Variants in PCDH9 observed in about 807,000 individuals in gnomAD.
PCDH9 encodes the protein protocadherin-9.
Under a neutral mutation model 70.6 loss-of-function variants are expected in PCDH9, and 24 were observed. That is an observed-to-expected ratio of 0.34 (90% CI 0.25 to 0.48). PCDH9 has a LOEUF of 0.48. Among genes scored for constraint, PCDH9 ranks in the 20% least tolerant of loss-of-function variants. The probability of loss-of-function intolerance (pLI) is 0.99; values close to 1 mark genes in which losing one functional copy is unlikely to be tolerated. For synonymous variants in PCDH9, 562 were observed against 558.5 expected (o/e 1.01, Z -0.09); for missense variants, 1,281 against 1,503.6 (o/e 0.85, Z 2.45).
intron 2 of PCDH9, among the ~76,000 whole-genome samples, chr13:67,024,670 T>C (rs1490675686): frequency 6.6e-6 from 1 of 152,080 alleles, no homozygotes; most frequent in Non-Finnish European, 1.5e-5. Context: ...CCTTACACCA[T>C]AAAACCTGGC....
At chr13:66,991,671 T>G (rs1393493429) in intron 2 of PCDH9, among the ~76,000 whole-genome samples, 1 of 152,064 alleles carries the variant, frequency 6.6e-6, no homozygotes, top group Admixed American at 6.6e-5. Flanking sequence ...TGAATGAACA[T>G]TTAGAATGAA....
In PCDH9 at chr13:66,696,761, C is replaced by A. The variant is rs112854363; in HGVS notation, c.3139-65350G>T. ...GGCATTTCCAACACTGAAAGAGAAA[C>A]CTTGCTGGTTGTTCAGGCAAACTTT... On this transcript the variant is annotated intron_variant, in intron 3 of 4. Transcript: ENST00000377865. Among the ~76,000 whole-genome samples, 478 of 150,092 alleles carry A rather than the reference C, an allele frequency of 3.2e-3. 4 individuals carry two copies. Among genetic ancestry groups the A allele is most frequent in the African/African-American group, 0.011 (460 of 40,932 alleles).
chr13:66,661,020 C>T (rs1199039574), intron 3 of PCDH9, among the ~76,000 whole-genome samples: 2 of 152,018 alleles, frequency 1.3e-5, no homozygotes, highest in East Asian at 3.9e-4. Flanking sequence ...GGGAGGATAT[C>T]AGTTTAAAAT....
At chr13:66,639,760 G>A (rs193119628) in intron 3 of PCDH9, among the ~76,000 whole-genome samples, 20 of 152,266 alleles carry the variant, frequency 1.3e-4, no homozygotes, top group African/African-American at 4.6e-4. Context: ...GGGGTTCAAA[G>A]CAAACAGAGA....
intron 3 of PCDH9, among the ~76,000 whole-genome samples, chr13:66,738,445 C>T (rs1040162540): frequency 1.3e-5 from 2 of 150,624 alleles, no homozygotes; most frequent in African/African-American, 4.9e-5. Context: ...CTCTCCTCCT[C>T]CAAAGGAACG....
At chr13:66,829,919 T>C (rs2080896474) in intron 3 of PCDH9, among the ~76,000 whole-genome samples, 1 of 148,530 alleles carries the variant, frequency 6.7e-6, no homozygotes, top group South Asian at 2.2e-4. Context: ...GGCTAACACA[T>C]GTAAAAATTA....
intron 3 of PCDH9, among the ~76,000 whole-genome samples, chr13:66,722,306 T>C (rs891779506): frequency 2.0e-5 from 3 of 152,204 alleles, no homozygotes; most frequent in African/African-American, 7.2e-5. Flanking sequence ...TGTTTTATGT[T>C]TGGCAATAAT....
intron 3 of PCDH9, among the ~76,000 whole-genome samples, chr13:66,836,207 A>T (rs2081014439): frequency 6.6e-6 from 1 of 152,148 alleles, no homozygotes; most frequent in African/African-American, 2.4e-5. Context: ...AACAAAAAGC[A>T]ATTTCTCTTA....
At chr13:66,936,826 T>C (rs2084396250) in intron 2 of PCDH9, among the ~76,000 whole-genome samples, 1 of 152,286 alleles carries the variant, frequency 6.6e-6, no homozygotes, top group Non-Finnish European at 1.5e-5. Flanking sequence ...CCCCGTAAAA[T>C]GGGGATAATA....
chr13:67,126,346 G>T (rs2086979820), intron 2 of PCDH9, among the ~76,000 whole-genome samples: 1 of 151,624 alleles, frequency 6.6e-6, no homozygotes, highest in Non-Finnish European at 1.5e-5. Context: ...AAAACATATG[G>T]TTTTTTTAAA....
At chr13:67,042,211 G>A (rs1028714703) in intron 2 of PCDH9, among the ~76,000 whole-genome samples, 1 of 152,148 alleles carries the variant, frequency 6.6e-6, no homozygotes, top group Non-Finnish European at 1.5e-5. Context: ...GTGTGTATGT[G>A]TGTGTGTTAG....
intron 4 of PCDH9, among the ~76,000 whole-genome samples, chr13:66,332,859 A>G (rs1593812620): frequency 6.6e-6 from 1 of 151,718 alleles, no homozygotes; most frequent in Non-Finnish European, 1.5e-5. Flanking sequence ...GTGAAAATAT[A>G]TGTACTTATT....
At chr13:66,689,644 G>T (rs1415227965) in intron 3 of PCDH9, among the ~76,000 whole-genome samples, 1 of 152,042 alleles carries the variant, frequency 6.6e-6, no homozygotes, top group Non-Finnish European at 1.5e-5. Flanking sequence ...AGAGCCTACA[G>T]CTATCCTCTC....
At chr13:66,432,206 C>G (rs764224820) in intron 4 of PCDH9, among the ~76,000 whole-genome samples, 5 of 151,748 alleles carry the variant, frequency 3.3e-5, no homozygotes, top group Non-Finnish European at 5.9e-5. Flanking sequence ...CACATAAAAC[C>G]CTTGAATCAA....
At chr13:66,668,416 A>G (rs1034364492) in intron 3 of PCDH9, among the ~76,000 whole-genome samples, 5 of 152,136 alleles carry the variant, frequency 3.3e-5, no homozygotes, top group African/African-American at 9.7e-5. Context: ...TTGCTCATCA[A>G]TGTCACATCT....
chr13:66,480,631 A>C (rs562080202), intron 4 of PCDH9, among the ~76,000 whole-genome samples: 2 of 152,182 alleles, frequency 1.3e-5, no homozygotes, highest in Admixed American at 1.3e-4. Flanking sequence ...CACCAGTTAG[A>C]ATGGCGATCA....
chr13:66,717,466 AAAAAAAAAAAAAAAATATATATATAT>A (rs1232933714), intron 3 of PCDH9, among the ~76,000 whole-genome samples: 18 of 35,896 alleles, frequency 5.0e-4, no homozygotes, highest in Admixed American at 4.1e-3. Flanking sequence ...AAAAAAAAAA[AAAAAAAAAAAAAAAATATATATATAT>A]ATATATATAT....
chr13:66,392,694 A>G (rs893290311), intron 4 of PCDH9, among the ~76,000 whole-genome samples: 4 of 152,116 alleles, frequency 2.6e-5, no homozygotes, highest in Admixed American at 1.3e-4. Context: ...TTGCACTCTC[A>G]TTTCTTATAT....
chr13:66,580,650 T>G (rs2138778903), intron 4 of PCDH9, among the ~76,000 whole-genome samples: 1 of 151,936 alleles, frequency 6.6e-6, no homozygotes, highest in African/African-American at 2.4e-5. Flanking sequence ...TGACAAATAC[T>G]TCCCACCACC....
Sources: allele counts gnomAD v4.1 joint callset (sites outside exome capture counted in the v4.1 genomes callset), GRCh38; gene constraint gnomAD v4.1.1; transcripts MANE v1.5; gene names NCBI Gene and HGNC (gene_info 2026-07-23, HGNC 2026-07-21).